Variants in DENND11 observed in about 807,000 individuals in gnomAD.
DENND11 encodes the protein DENN domain-containing protein 11.
DENND11 carries 34 observed loss-of-function variants against 49.2 expected under a neutral mutation model. The ratio of observed to expected loss-of-function variants is 0.69; its 90% CI spans 0.53 to 0.92. The LOEUF is 0.92. DENND11 is among the 40% of genes least tolerant of loss of function. The probability of loss-of-function intolerance (pLI) is 0.00; values close to 1 mark genes in which losing one functional copy is unlikely to be tolerated. For missense variants in DENND11, 475 were observed against 581.6 expected, an observed-to-expected ratio of 0.82 and a Z score of 1.88; for synonymous variants, 238 against 230.3, an observed-to-expected ratio of 1.03 and a Z score of -0.30.
intron 3 of DENND11, among the ~76,000 whole-genome samples, chr7:141,685,037 T>G (rs778959437): frequency 8.5e-6 from 1 of 117,358 alleles, no homozygotes; most frequent in Non-Finnish European, 1.8e-5. Context: ...AAAATATATA[T>G]ATATATATAT....
chr7:141,678,252 T>G (rs964210113), intron 3 of DENND11, among the ~76,000 whole-genome samples: 1 of 152,108 alleles, frequency 6.6e-6, no homozygotes. Context: ...CGTGAGCCAC[T>G]GCGCCCGGCC....
chr7:141,702,166 C>G lies in DENND11; in HGVS notation c.-13G>C, dbSNP rs1277324099. On this transcript the variant is annotated 5_prime_UTR_variant, in exon 1 of 9. Transcript: ENST00000536163. ...CCTGCTCCACCATGGCTAGGCGAGG[C>G]GGAGCCGCGGGCGCGAGGGGCGGGG... The G allele has an allele frequency of 1.1e-6, 1 of 922,810 alleles. No individual in the cohort carries two copies. Among genetic ancestry groups the G allele is most frequent in the South Asian group, 4.9e-5 (1 of 20,302 alleles). 57.2% of individuals were successfully genotyped at this position (922,810 alleles called of 1,614,324 possible). A position where few individuals can be genotyped will look rare whatever the true frequency, so the allele number is the denominator to read the frequency against.
chr7:141,691,939 T>C lies in DENND11; in HGVS notation c.269-5281A>G, dbSNP rs1465140798. On this transcript the variant is annotated intron_variant, in intron 1 of 8. Transcript: ENST00000536163. ...AAAACAGATTTATTAAGGGCACGCA[T>C]GTGTTTAAAAAAACTGATGAATTAG... Among the ~76,000 whole-genome samples, 3 of 152,316 alleles carry C rather than the reference T, an allele frequency of 2.0e-5. No individual in the cohort carries two copies. The East Asian group carries it at 5.8e-4, about 29-fold the overall frequency.
intron 1 of DENND11, among the ~76,000 whole-genome samples, chr7:141,689,906 T>C (rs1798299603): frequency 6.6e-6 from 1 of 152,270 alleles, no homozygotes; most frequent in South Asian, 2.1e-4. Context: ...CCTGCTTAAC[T>C]GGTGATGCAC....
At chr7:141,699,704 C>T (rs1798475309) in intron 1 of DENND11, among the ~76,000 whole-genome samples, 2 of 152,184 alleles carry the variant, frequency 1.3e-5, no homozygotes, top group South Asian at 4.1e-4. Context: ...ATGGGACTTA[C>T]AGTCAAGTAT....
intron 3 of DENND11, among the ~76,000 whole-genome samples, chr7:141,684,765 G>A (rs73171613): frequency 0.11 from 16,768 of 151,804 alleles, 1,263 homozygotes; most frequent in South Asian, 0.32. Flanking sequence ...GTAACATTTT[G>A]TCAGTGCTTC....
chr7:141,700,657 T>C (rs1036346546), intron 1 of DENND11, among the ~76,000 whole-genome samples: 2 of 151,926 alleles, frequency 1.3e-5, no homozygotes, highest in African/African-American at 4.8e-5. Flanking sequence ...CCATGGAATG[T>C]GGCAAAGAAA....
rs1798029095 is a variant in DENND11 at position 141,674,171 on chromosome 7, C to T, written c.577G>A (p.Glu193Lys). The change falls in exon 4 of 9, where the codon GAG becomes AAG. Residue 193 changes from glutamate (E) to lysine (K), a missense_variant. Transcript: ENST00000536163. ...GCATGGAGCACCCCCTTTTTGTCCTCATAGAAGGCAGCCAGATGAGAGTAA... is the reference window on the plus strand; with the variant it reads ...GCATGGAGCACCCCCTTTTTGTCCTTATAGAAGGCAGCCAGATGAGAGTAA... ...GHYSHLAAFY[E>K]DKKGVLHAGP... 2.6e-6 allele frequency: 4 copies of T among 1,559,296 alleles called. No individual in the cohort carries two copies. Among genetic ancestry groups the T allele is most frequent in the Non-Finnish European group, 3.5e-6 (4 of 1,151,636 alleles).
In DENND11 at chr7:141,660,589, AGCTCCTTCC is replaced by A. The variant is rs1797773656; in HGVS notation, c.*2058_*2066del. ...GGCTCAGAGCAGAAATGCCTCAAAC[AGCTCCTTCC>A]GGCAGATTCCCTAATTCCAGAAAAA... is the stretch of plus-strand genomic sequence containing the variant. On this transcript the variant is annotated 3_prime_UTR_variant, in exon 9 of 9. Coordinates refer to ENST00000536163, the MANE Select transcript of DENND11 (RefSeq NM_001080392.2). 1 of 152,268 alleles carries A rather than the reference AGCTCCTTCC, an allele frequency of 6.6e-6. No individual in the cohort carries two copies. The highest frequency in any genetic ancestry group is 1.5e-5 in the Non-Finnish European group (1 of 68,058). The allele number at this position is 152,268 out of a possible 1,614,324, so 9.4% of individuals were successfully genotyped here. A position where few individuals can be genotyped will look rare whatever the true frequency, so the allele number is the denominator to read the frequency against.
chr7:141,701,781 G>A, intron 1 of DENND11, 105 bp downstream of exon 1: 1 of 963,010 alleles, frequency 1.0e-6, no homozygotes, highest in Non-Finnish European at 1.3e-6. Context: ...GCGGGGTGCG[G>A]GGCCGGGAGG....
At chr7:141,668,478 T>A (rs1230481535) in intron 4 of DENND11, among the ~76,000 whole-genome samples, 1 of 152,086 alleles carries the variant, frequency 6.6e-6, no homozygotes, top group Non-Finnish European at 1.5e-5. Flanking sequence ...CCCAGCTACT[T>A]GGGAGGCTGA....
chr7:141,667,828 T>C (rs1479173991), intron 4 of DENND11, among the ~76,000 whole-genome samples: 1 of 152,142 alleles, frequency 6.6e-6, no homozygotes, highest in African/African-American at 2.4e-5. Context: ...GCATCACTCC[T>C]GCACTGATAC....
intron 8 of DENND11, 32 bp from the exon 9 acceptor site, chr7:141,662,883 A>AG (rs201161702): frequency 6.8e-7 from 1 of 1,472,132 alleles, no homozygotes; most frequent in Non-Finnish European, 9.1e-7. Context: ...CAGGAAAGGA[A>AG]GCGGGGGGGA....
chr7:141,686,203 T>G (rs988149435), intron 2 of DENND11, among the ~76,000 whole-genome samples: 2 of 152,186 alleles, frequency 1.3e-5, no homozygotes, highest in Middle Eastern at 3.2e-3. Flanking sequence ...TGGCCTTACT[T>G]AAAGCTGAAA....
At chr7:141,691,353 T>TAG (rs1798324351) in intron 1 of DENND11, among the ~76,000 whole-genome samples, 1 of 152,198 alleles carries the variant, frequency 6.6e-6, no homozygotes, top group South Asian at 2.1e-4. Flanking sequence ...TATCACCTGA[T>TAG]CGTTACATGA....
rs1261619568 is a variant in DENND11, at chr7:141,664,202, T to C, written c.1142A>G (p.Tyr381Cys). 1.9e-6 allele frequency: 3 copies of C among 1,585,342 alleles called. No individual in the cohort carries two copies. Among genetic ancestry groups the C allele is most frequent in the Non-Finnish European group, 2.6e-6 (3 of 1,164,216 alleles). ...LLYSQEVEED[Y>C]NPCEEDLFVL... ...GAAGAGGTCCTCTTCACAAGGGTTG[T>C]AGTCTTCTTCTACTTCCTGGGAGTA... The change falls in exon 8 of 9, where the codon TAC (tyrosine) becomes TGC (cysteine). Residue 381 changes from tyrosine (Y) to cysteine (C), a missense_variant. By Grantham distance (194) the Tyr-to-Cys change is radical. Transcript: ENST00000536163.
At chr7:141,685,294 G>A (rs1445374449) in intron 3 of DENND11, among the ~76,000 whole-genome samples, 184 bp downstream of exon 3, 1 of 152,016 alleles carries the variant, frequency 6.6e-6, no homozygotes, top group Non-Finnish European at 1.5e-5. Context: ...ATAGAGTGAA[G>A]ACTCATCATG....
intron 4 of DENND11, among the ~76,000 whole-genome samples, chr7:141,667,399 T>G (rs1437149739): frequency 6.6e-6 from 1 of 152,188 alleles, no homozygotes; most frequent in African/African-American, 2.4e-5. Flanking sequence ...TGTTTCCGGT[T>G]CACTATCCTT....
intron 4 of DENND11, among the ~76,000 whole-genome samples, chr7:141,667,031 C>T (rs1298381077): frequency 6.6e-6 from 1 of 152,144 alleles, no homozygotes; most frequent in Non-Finnish European, 1.5e-5. Flanking sequence ...TTTGATTTTC[C>T]TACCTCAGCC....
Sources: gnomAD v4.1 joint callset for allele counts (sites outside exome capture counted in the v4.1 genomes callset) on GRCh38, gnomAD v4.1.1 for gene constraint, MANE v1.5 for transcripts, NCBI Gene and HGNC (gene_info 2026-07-23, HGNC 2026-07-21) for gene names.